RELN: variants seen among roughly 807,000 people sequenced by gnomAD.
RELN encodes the protein reelin.
In RELN, 108 loss-of-function variants were observed where a neutral mutation model predicts 427.6. The ratio of observed to expected loss-of-function variants is 0.25; its 90% CI spans 0.22 to 0.30. RELN has a LOEUF of 0.30. RELN is among the 10% of genes least tolerant of loss of function. The pLI is 1.00. For missense variants in RELN, 3,715 were observed against 4,302.8 expected (o/e 0.86, Z 3.82); for synonymous variants, 1,524 against 1,513.4 (o/e 1.01, Z -0.16).
chr7:103,852,280 GAACA>G (rs1309314222), intron 2 of RELN, among the ~76,000 whole-genome samples: 1 of 69,964 alleles, frequency 1.4e-5, no homozygotes, highest in Non-Finnish European at 3.3e-5. Flanking sequence ...CCCTCAAACA[GAACA>G]AACTATTTTT....
At chr7:103,790,121 G>A (rs997417503) in intron 3 of RELN, among the ~76,000 whole-genome samples, 7 of 152,136 alleles carry the variant, frequency 4.6e-5, no homozygotes, top group African/African-American at 1.7e-4. Context: ...ACTCATAAGT[G>A]GGAGTTGAAC....
chr7:103,755,211 T>C (rs1466822981), intron 4 of RELN, among the ~76,000 whole-genome samples: 2 of 152,134 alleles, frequency 1.3e-5, no homozygotes, highest in East Asian at 3.9e-4. Context: ...ATCCCGGCAC[T>C]TTGGGAGGCT....
intron 16 of RELN, among the ~76,000 whole-genome samples, chr7:103,643,036 T>C (rs1832725574): frequency 6.6e-6 from 1 of 152,108 alleles, no homozygotes; most frequent in African/African-American, 2.4e-5. Context: ...TTTGGATAAA[T>C]ATTGGGAAAT....
At chr7:103,779,681 A>G (rs1187042564) in intron 3 of RELN, among the ~76,000 whole-genome samples, 1 of 152,110 alleles carries the variant, frequency 6.6e-6, no homozygotes, top group Non-Finnish European at 1.5e-5. Context: ...GTAGCTTTCA[A>G]TCTCTTTTCA....
chr7:103,864,028 C>A (rs549379117), intron 2 of RELN, among the ~76,000 whole-genome samples: 35 of 152,168 alleles, frequency 2.3e-4, no homozygotes, highest in African/African-American at 8.2e-4. Context: ...AGAACTCAGA[C>A]AAACTGAAGG....
chr7:103,485,109 C>T (rs921615259), intron 61 of RELN, among the ~76,000 whole-genome samples: 4 of 151,204 alleles, frequency 2.6e-5, no homozygotes, highest in Admixed American at 6.6e-5. Context: ...CGTATAAATG[C>T]ATAAACTAAT....
At chr7:103,654,305 C>A in intron 12 of RELN, 100 bp from the exon 13 acceptor site, 1 of 726,340 alleles carries the variant, frequency 1.4e-6, no homozygotes. Flanking sequence ...TTATAGTACC[C>A]AGATGTCACT....
chr7:103,951,293 C>T (rs764654670), intron 1 of RELN, among the ~76,000 whole-genome samples: 1 of 152,174 alleles, frequency 6.6e-6, no homozygotes, highest in Non-Finnish European at 1.5e-5. Flanking sequence ...TATCAAGATA[C>T]TGTCTTTGAA....
At chr7:103,930,367 A>T (rs1795834585) in intron 1 of RELN, among the ~76,000 whole-genome samples, 1 of 150,306 alleles carries the variant, frequency 6.7e-6, no homozygotes, top group Admixed American at 6.7e-5. Context: ...TCCAAATATA[A>T]TCATATTATG....
At position 103,699,118 on chromosome 7, in the gene RELN, A is replaced by G. The variant is rs905720346; in HGVS notation, c.903-1025T>C. Among the ~76,000 whole-genome samples, 43 of 152,188 alleles carry G rather than the reference A, an allele frequency of 2.8e-4. 1 individual carries two copies. The highest frequency in any genetic ancestry group is 2.8e-3 in the Admixed American group (43 of 15,280). Reference sequence around the variant, plus strand: ...TTTTTATTAAACATTTTCTTCCACCAAAGTAGAAACCTGCTGTAGTAAAAA... The same window carrying G: ...TTTTTATTAAACATTTTCTTCCACCGAAGTAGAAACCTGCTGTAGTAAAAA... On this transcript the variant is annotated intron_variant, in intron 9 of 64. Coordinates refer to ENST00000428762, the MANE Select transcript of RELN (RefSeq NM_005045.4).
At chr7:103,934,453 G>A (rs1481092705) in intron 1 of RELN, among the ~76,000 whole-genome samples, 1 of 152,082 alleles carries the variant, frequency 6.6e-6, no homozygotes, top group Non-Finnish European at 1.5e-5. Context: ...ACTTATCTAT[G>A]TAGCCAGATG....
At chr7:103,871,335 A>G (rs1381873515) in intron 2 of RELN, among the ~76,000 whole-genome samples, 2 of 152,156 alleles carry the variant, frequency 1.3e-5, no homozygotes, top group African/African-American at 4.8e-5. Flanking sequence ...GTAGTTGTTC[A>G]TAAGTGGGGA....
At chr7:103,950,910 TTG>T (rs1796317451) in intron 1 of RELN, among the ~76,000 whole-genome samples, 1 of 152,156 alleles carries the variant, frequency 6.6e-6, no homozygotes, top group South Asian at 2.1e-4. Context: ...GTCTCCATGA[TTG>T]CAGCTGTTTT....
rs1832918836 is a variant in RELN at position 103,651,744 on chromosome 7, G to A, written c.1809C>T (p.Leu603=). ...TCTCAGGTAAGCATTCAGTGTGAAG[G>A]AGGGACCAGGAGCGCCCATGGTTGG... The part of the protein sequence containing the change: ...FSTNHGRSWS[L]LHTECLPEIC... The change falls in exon 15 of 65, where the codon CTC becomes CTT. Residue 603 remains leucine, a synonymous_variant. Coordinates refer to ENST00000428762, the MANE Select transcript of RELN (RefSeq NM_005045.4). 1 of 1,611,806 alleles carries A rather than the reference G, an allele frequency of 6.2e-7. No individual in the cohort carries two copies.
At chr7:103,551,934 T>TGG in intron 40 of RELN, among the ~76,000 whole-genome samples, 1 of 146,964 alleles carries the variant, frequency 6.8e-6, no homozygotes, top group East Asian at 2.0e-4. Flanking sequence ...TGTGTGTGTG[T>TGG]GTGGGTGTGT....
chr7:103,542,290 A>T (rs1830192231), intron 43 of RELN, among the ~76,000 whole-genome samples: 1 of 152,228 alleles, frequency 6.6e-6, no homozygotes, highest in Admixed American at 6.5e-5. Flanking sequence ...GATAAAATTA[A>T]TTATGAATAA....
At position 103,728,201 on chromosome 7, in the gene RELN, T is replaced by A. The variant is rs1355761301; in HGVS notation, c.663A>T (p.Glu221Asp). The A allele has an allele frequency of 1.9e-6, 3 of 1,613,740 alleles. No homozygotes were observed. Among genetic ancestry groups the A allele is most frequent in the Admixed American group, 1.7e-5 (1 of 59,918 alleles). The change falls in exon 7 of 65, where the codon GAA becomes GAT. Residue 221 changes from glutamate to aspartate, a missense_variant. Physicochemically the swap from Glu to Asp is conservative, Grantham distance 45. This residue lies in a region of RELN where 2,208 missense variants were observed against 2,361.7 expected (regional missense o/e 0.93). Transcript: ENST00000428762. ...QLQLNPNIWV[E>D]CNNCETGEQC... ...GTTCTCCAGTCTCACAGTTGTTACA[T>A]TCAACCCTGCAGGAAAACAGAACAC...
intron 46 of RELN, among the ~76,000 whole-genome samples, chr7:103,523,925 C>A (rs756109641): frequency 3.3e-5 from 5 of 152,198 alleles, no homozygotes; most frequent in Non-Finnish European, 5.9e-5. Flanking sequence ...GATCCTCCCA[C>A]CTCAGCCTCC....
chr7:103,923,868 T>C (rs1378621080), intron 1 of RELN, among the ~76,000 whole-genome samples: 1 of 152,176 alleles, frequency 6.6e-6, no homozygotes, highest in Admixed American at 6.6e-5. Flanking sequence ...ATAATAATAA[T>C]AGCTAAACAA....
Sources: gnomAD v4.1 joint callset for allele counts (sites outside exome capture counted in the v4.1 genomes callset) on GRCh38, gnomAD v4.1.1 for gene constraint, gnomAD v4.1.1 regional missense constraint, MANE v1.5 for transcripts, NCBI Gene and HGNC (gene_info 2026-07-23, HGNC 2026-07-21) for gene names.